TP63: variants seen among roughly 807,000 people sequenced by gnomAD.
TP63 encodes the protein tumor protein p63, also known as tumor protein 63.
TP63 carries 17 observed loss-of-function variants against 82.8 expected under a neutral mutation model. The observed-to-expected ratio is 0.21, with a 90% CI of 0.14 to 0.31. The LOEUF is 0.31. TP63 is among the 10% of genes least tolerant of loss of function. TP63 has a pLI of 1.00. For synonymous variants in TP63, 330 were observed against 321.7 expected (o/e 1.03, Z -0.28); for missense variants, 648 against 895.3 (o/e 0.72, Z 3.52).
At chr3:189,673,689 A>G (rs1426615284) in intron 1 of TP63, among the ~76,000 whole-genome samples, 2 of 152,140 alleles carry the variant, frequency 1.3e-5, no homozygotes, top group Non-Finnish European at 2.9e-5. Context: ...ATTTAAGCAC[A>G]TATTTTCGTT....
intron 1 of TP63, among the ~76,000 whole-genome samples, chr3:189,713,677 C>G (rs912262011): frequency 1.3e-5 from 2 of 152,076 alleles, no homozygotes; most frequent in Admixed American, 6.6e-5. Context: ...ATTACAAGTT[C>G]AAGTCTAATC....
intron 1 of TP63, among the ~76,000 whole-genome samples, chr3:189,682,250 C>T (rs1715976730): frequency 6.6e-6 from 1 of 151,476 alleles, no homozygotes; most frequent in South Asian, 2.1e-4. Context: ...CAAAGAAAGA[C>T]CACAAATGAC....
chr3:189,608,089 T>TA, the TP63 span, among the ~76,000 whole-genome samples: 3 of 152,156 alleles, frequency 2.0e-5, no homozygotes, highest in Non-Finnish European at 2.9e-5. Context: ...AACCTGGCTT[T>TA]AAAAAATAAA....
chr3:189,749,670 C>T (rs1007152553), intron 3 of TP63, among the ~76,000 whole-genome samples: 4 of 152,104 alleles, frequency 2.6e-5, no homozygotes, highest in African/African-American at 9.7e-5. Flanking sequence ...ATCCAGAAAT[C>T]CCACTACCAA....
At chr3:189,652,800 T>C (rs1181694777) in intron 1 of TP63, among the ~76,000 whole-genome samples, 1 of 146,700 alleles carries the variant, frequency 6.8e-6, no homozygotes, top group African/African-American at 2.6e-5. Flanking sequence ...TGAGTTTGTT[T>C]TCATGAGATC....
intron 4 of TP63, among the ~76,000 whole-genome samples, chr3:189,814,170 T>G (rs1727905002): frequency 6.6e-6 from 1 of 152,220 alleles, no homozygotes; most frequent in Admixed American, 6.5e-5. Context: ...AATGTAAGAC[T>G]TTTAGAAAAA....
At chr3:189,636,088 C>T (rs561359667) in intron 1 of TP63, among the ~76,000 whole-genome samples, 3 of 152,214 alleles carry the variant, frequency 2.0e-5, no homozygotes, top group African/African-American at 7.2e-5. Flanking sequence ...AGTTTATCTT[C>T]AGCATCTAAT....
At chr3:189,742,425 A>G (rs1251067113) in intron 3 of TP63, among the ~76,000 whole-genome samples, 2 of 143,926 alleles carry the variant, frequency 1.4e-5, no homozygotes, top group African/African-American at 5.1e-5. Flanking sequence ...TTTTTTTTTT[A>G]TTCCTTGTAA....
At chr3:189,843,928 T>C (rs2108748662) in intron 4 of TP63, among the ~76,000 whole-genome samples, 1 of 152,320 alleles carries the variant, frequency 6.6e-6, no homozygotes, top group East Asian at 1.9e-4. Flanking sequence ...ATGACAAAAC[T>C]GGGGTCCTAG....
chr3:189,793,167 G>C (rs1286222442), intron 3 of TP63, among the ~76,000 whole-genome samples: 2 of 151,982 alleles, frequency 1.3e-5, no homozygotes, highest in African/African-American at 4.8e-5. Flanking sequence ...AGGGAACTAG[G>C]AGAAAGACAT....
chr3:189,732,136 G>C (rs1473085874), intron 1 of TP63, among the ~76,000 whole-genome samples: 2 of 152,108 alleles, frequency 1.3e-5, no homozygotes, highest in African/African-American at 4.8e-5. Flanking sequence ...ATGGTGTTAA[G>C]GAGGTGTGTA....
intron 1 of TP63, among the ~76,000 whole-genome samples, chr3:189,633,369 A>T (rs113891137): frequency 6.6e-6 from 1 of 151,924 alleles, no homozygotes; most frequent in East Asian, 1.9e-4. Flanking sequence ...TCCTGATCCT[A>T]TCCCTCCTCC....
the TP63 span, among the ~76,000 whole-genome samples, chr3:189,599,981 A>G: frequency 3.9e-5 from 6 of 152,210 alleles, no homozygotes; most frequent in Non-Finnish European, 5.9e-5. Context: ...TACAAGAATA[A>G]ATTTTTGTAT....
At chr3:189,763,822 A>G (rs1305339629) in intron 3 of TP63, among the ~76,000 whole-genome samples, 1 of 152,222 alleles carries the variant, frequency 6.6e-6, no homozygotes, top group African/African-American at 2.4e-5. Context: ...TGCAGAACAT[A>G]TATATGGCCA....
intron 4 of TP63, among the ~76,000 whole-genome samples, chr3:189,833,204 A>G (rs181971068): frequency 3.3e-5 from 5 of 152,330 alleles, no homozygotes; most frequent in East Asian, 3.9e-4. Context: ...TCTTCTATCT[A>G]TGACAAATTC....
At chr3:189,626,387 C>A in the TP63 span, among the ~76,000 whole-genome samples, 1 of 152,190 alleles carries the variant, frequency 6.6e-6, no homozygotes, top group Non-Finnish European at 1.5e-5. Context: ...CTTGAAGGTT[C>A]TTTCCTGCTC....
At chr3:189,697,232 A>AAT (rs146092678) in intron 1 of TP63, among the ~76,000 whole-genome samples, 3,158 of 22,298 alleles carry the variant, frequency 0.14, 104 homozygotes, top group East Asian at 0.31. Flanking sequence ...GTCTAGGTTC[A>AAT]GTTTTTTTTT....
At chr3:189,609,403 TA>T in the TP63 span, among the ~76,000 whole-genome samples, 1 of 152,134 alleles carries the variant, frequency 6.6e-6, no homozygotes, top group African/African-American at 2.4e-5. Context: ...TTTTAACTTT[TA>T]TTTTTTGGTT....
chr3:189,866,131 A>G (rs1478655957), intron 5 of TP63, among the ~76,000 whole-genome samples: 1 of 152,098 alleles, frequency 6.6e-6, no homozygotes, highest in Non-Finnish European at 1.5e-5. Flanking sequence ...TCTTACACCC[A>G]ACTTGGGACT....
Sources: gnomAD v4.1 joint callset for allele counts (sites outside exome capture counted in the v4.1 genomes callset) on GRCh38, gnomAD v4.1.1 for gene constraint, MANE v1.5 for transcripts, NCBI Gene and HGNC (gene_info 2026-07-23, HGNC 2026-07-21) for gene names.